The following LINGO2 variants were observed in gnomAD, a reference collection of about 807,000 sequenced individuals.
LINGO2 encodes leucine-rich repeat and immunoglobulin-like domain-containing nogo receptor-interacting protein 2.
LINGO2 carries 14 observed loss-of-function variants against 30.6 expected under a neutral mutation model. The observed-to-expected ratio is 0.46, with a 90% CI of 0.30 to 0.72. LINGO2 has a LOEUF of 0.72. Among genes scored for constraint, LINGO2 ranks in the 30% least tolerant of loss-of-function variants. The probability of loss-of-function intolerance (pLI) is 0.07; values close to 1 mark genes in which losing one functional copy is unlikely to be tolerated. For synonymous variants in LINGO2, 317 were observed against 288.5 expected (o/e 1.10, Z -1.00); for missense variants, 729 against 751.7 (o/e 0.97, Z 0.35).
chr9:28,051,788 A>G (rs769961091), intron 4 of LINGO2, among the ~76,000 whole-genome samples: 1 of 152,102 alleles, frequency 6.6e-6, no homozygotes, highest in Non-Finnish European at 1.5e-5. Context: ...AAGTTGATAT[A>G]AACAGATTTC....
At chr9:28,426,127 G>T (rs1452733791) in intron 2 of LINGO2, among the ~76,000 whole-genome samples, 1 of 151,908 alleles carries the variant, frequency 6.6e-6, no homozygotes, top group Non-Finnish European at 1.5e-5. Context: ...AAGATAAAAT[G>T]GCAGATTAAC....
the LINGO2 span, among the ~76,000 whole-genome samples, chr9:28,851,138 T>G: frequency 6.6e-6 from 1 of 152,056 alleles, no homozygotes; most frequent in African/African-American, 2.4e-5. Flanking sequence ...ATTAGTTTCC[T>G]ATTACTTCTA....
the LINGO2 span, among the ~76,000 whole-genome samples, chr9:28,742,107 CTA>C: frequency 6.6e-6 from 1 of 151,974 alleles, no homozygotes; most frequent in Admixed American, 6.5e-5. Flanking sequence ...CTTCCTAGCA[CTA>C]TGTTTTACTA....
intron 4 of LINGO2, among the ~76,000 whole-genome samples, chr9:28,121,351 A>G (rs1827092353): frequency 6.6e-6 from 1 of 152,166 alleles, no homozygotes; most frequent in African/African-American, 2.4e-5. Context: ...TACCTATGCA[A>G]TGTAGGAATA....
chr9:28,096,874 T>A (rs1826257681), intron 4 of LINGO2, among the ~76,000 whole-genome samples: 1 of 152,186 alleles, frequency 6.6e-6, no homozygotes, highest in African/African-American at 2.4e-5. Flanking sequence ...GGCGAATTTT[T>A]AAAATGTTTT....
intron 1 of LINGO2, among the ~76,000 whole-genome samples, chr9:28,477,431 C>T (rs1480811276): frequency 1.3e-5 from 2 of 152,122 alleles, no homozygotes; most frequent in East Asian, 1.9e-4. Context: ...TTTTTCAGAA[C>T]CCATTCTCTT....
the LINGO2 span, among the ~76,000 whole-genome samples, chr9:28,796,596 A>G: frequency 6.6e-6 from 1 of 152,082 alleles, no homozygotes; most frequent in Non-Finnish European, 1.5e-5. Flanking sequence ...GGTGTCAGCA[A>G]TTAGCATATT....
chr9:28,625,658 T>C (rs1412338833), intron 1 of LINGO2, among the ~76,000 whole-genome samples: 1 of 152,118 alleles, frequency 6.6e-6, no homozygotes, highest in Non-Finnish European at 1.5e-5. Flanking sequence ...TATGCCCATT[T>C]TTTTCCTTTT....
the LINGO2 span, among the ~76,000 whole-genome samples, chr9:28,986,416 A>G: frequency 6.6e-6 from 1 of 152,162 alleles, no homozygotes; most frequent in African/African-American, 2.4e-5. Context: ...GAACAATAAC[A>G]ATGGAATTTC....
chr9:28,660,112 ATTGC>A (rs1828528823), intron 1 of LINGO2, among the ~76,000 whole-genome samples: 2 of 152,122 alleles, frequency 1.3e-5, no homozygotes. Context: ...ATATATAAAA[ATTGC>A]ATGTAAAATA....
At chr9:28,098,673 A>G (rs541821567) in intron 4 of LINGO2, among the ~76,000 whole-genome samples, 96 of 152,304 alleles carry the variant, frequency 6.3e-4, no homozygotes, top group African/African-American at 2.2e-3. Context: ...AAGAGTCAAG[A>G]ATGCTAAGCC....
intron 4 of LINGO2, among the ~76,000 whole-genome samples, chr9:28,133,177 T>C (rs1387153037): frequency 1.3e-5 from 2 of 152,158 alleles, no homozygotes; most frequent in Admixed American, 6.5e-5. Context: ...CAAGTAAACT[T>C]TGAAATATTA....
chr9:28,571,345 T>C (rs1276102829), intron 1 of LINGO2, among the ~76,000 whole-genome samples: 1 of 152,064 alleles, frequency 6.6e-6, no homozygotes, highest in Non-Finnish European at 1.5e-5. Flanking sequence ...TAGTAACATA[T>C]ACATGTTTAA....
At chr9:28,163,108 T>A (rs1402517805) in intron 4 of LINGO2, among the ~76,000 whole-genome samples, 1 of 152,182 alleles carries the variant, frequency 6.6e-6, no homozygotes, top group African/African-American at 2.4e-5. Flanking sequence ...TTCATATTTG[T>A]GTTTTGGAAA....
intron 4 of LINGO2, among the ~76,000 whole-genome samples, chr9:28,249,516 A>G (rs536303328): frequency 6.6e-6 from 1 of 152,290 alleles, no homozygotes; most frequent in South Asian, 2.1e-4. Flanking sequence ...CATGCACTTT[A>G]CAAAGAAGTT....
the LINGO2 span, among the ~76,000 whole-genome samples, chr9:29,072,165 T>A: frequency 1.0e-5 from 1 of 98,070 alleles, no homozygotes; most frequent in Non-Finnish European, 2.2e-5. Flanking sequence ...ACATCCACAT[T>A]ATATATATTG....
chr9:28,176,218 C>T (rs1480056182), intron 4 of LINGO2, among the ~76,000 whole-genome samples: 2 of 152,162 alleles, frequency 1.3e-5, no homozygotes, highest in Admixed American at 6.5e-5. Context: ...TATATTGATG[C>T]TCACAAAATC....
the LINGO2 span, among the ~76,000 whole-genome samples, chr9:29,027,272 G>A: frequency 6.6e-6 from 1 of 152,130 alleles, no homozygotes; most frequent in Non-Finnish European, 1.5e-5. Flanking sequence ...ATAATGAATT[G>A]TCTTCAATCA....
chr9:29,072,763 T>C, the LINGO2 span, among the ~76,000 whole-genome samples: 1 of 151,712 alleles, frequency 6.6e-6, no homozygotes, highest in East Asian at 1.9e-4. Flanking sequence ...TCCTCTTCTC[T>C]CTCCAATACG....
Sources: allele counts gnomAD v4.1 joint callset (sites outside exome capture counted in the v4.1 genomes callset), GRCh38; gene constraint gnomAD v4.1.1; transcripts MANE v1.5; gene names NCBI Gene and HGNC (gene_info 2026-07-23, HGNC 2026-07-21).